The following AGPAT4 variants were observed in gnomAD, a reference collection of about 807,000 sequenced individuals.
AGPAT4 encodes 1-acyl-sn-glycerol-3-phosphate acyltransferase delta.
A neutral mutation model predicts 48.0 loss-of-function variants in AGPAT4; 15 were observed. That is an observed-to-expected ratio of 0.31 (90% CI 0.21 to 0.48). The LOEUF is 0.48. AGPAT4 is among the 20% of genes least tolerant of loss of function. The pLI, the probability that AGPAT4 is intolerant of heterozygous loss-of-function variation, is 0.99. For missense variants in AGPAT4, 314 were observed against 482.5 expected, an observed-to-expected ratio of 0.65 and a Z score of 3.27; for synonymous variants, 178 against 198.7, an observed-to-expected ratio of 0.90 and a Z score of 0.88.
In AGPAT4 at chr6:161,164,018, C is replaced by T. The variant is rs767179332; in HGVS notation, c.348+2230G>A. On this transcript the variant is annotated intron_variant, in intron 3 of 8. Transcript: ENST00000320285. The surrounding 1 kb of genome is among the most constrained non-coding windows in gnomAD (Gnocchi z 7.4). ...TGAAGTCCTATAAATAGAATATCAC[C>T]GATGAAATCAAGGGGAGGTGCGGTC... Among the ~76,000 whole-genome samples the T allele has an allele frequency of 1.3e-5, 2 of 152,142 alleles. No individual in the cohort carries two copies. The highest frequency in any genetic ancestry group is 2.4e-5 in the African/African-American group (1 of 41,412).
chr6:161,177,490 C>T lies in AGPAT4; in HGVS notation c.179-11073G>A, dbSNP rs1780459908. ...GTTCTCAAGCCATGGTTTTCAGCTCCATCAGGTCATTTAAGGTCTTCTCTA... is the reference window on the plus strand; with the variant it reads ...GTTCTCAAGCCATGGTTTTCAGCTCTATCAGGTCATTTAAGGTCTTCTCTA... On this transcript the variant is annotated intron_variant, in intron 2 of 8. Coordinates refer to ENST00000320285, the MANE Select transcript of AGPAT4 (RefSeq NM_020133.3). This position sits in a 1 kb window ranked among gnomAD's most constrained non-coding sequence, Gnocchi z 5.0. 6.6e-6 allele frequency among the ~76,000 whole-genome samples: 1 copy of T among 152,176 alleles called. No individual in the cohort carries two copies. Among genetic ancestry groups the T allele is most frequent in the South Asian group, 2.1e-4 (1 of 4,824 alleles).
rs1254083595 is a variant in AGPAT4 at position 161,130,926 on chromosome 6, G to C, written c.*5614C>G. 1.9e-6 allele frequency: 1 copy of C among 518,696 alleles called. No individual in the cohort carries two copies. Among genetic ancestry groups the C allele is most frequent in the Non-Finnish European group, 3.9e-6 (1 of 259,730 alleles). The allele number at this position is 518,696 out of a possible 1,614,324, so 32.1% of individuals were successfully genotyped here. On this transcript the variant is annotated 3_prime_UTR_variant, in exon 9 of 9. Coordinates refer to ENST00000320285, the MANE Select transcript of AGPAT4 (RefSeq NM_020133.3). ...AATTCCATGGATGACTTTTCTGAAT[G>C]TCCTAGAATGTTTGGCAAAGATCTG...
Position 161,215,741 on chromosome 6 carries a change from G to A in AGPAT4, c.178+16295C>T, listed in dbSNP as rs1364715384. On this transcript the variant is annotated intron_variant, in intron 2 of 8. Coordinates refer to ENST00000320285, the MANE Select transcript of AGPAT4 (RefSeq NM_020133.3). This position sits in a 1 kb window ranked among gnomAD's most constrained non-coding sequence, Gnocchi z 4.5. ...AAAAAAAGAAAACACAAAAACACAAGATCCAAGTTTCCTGTTGATAGCTCA... is the reference window on the plus strand; with the variant it reads ...AAAAAAAGAAAACACAAAAACACAAAATCCAAGTTTCCTGTTGATAGCTCA... Among the ~76,000 whole-genome samples the A allele has an allele frequency of 5.4e-5, 8 of 149,126 alleles. No individual in the cohort carries two copies. Among genetic ancestry groups the A allele is most frequent in the African/African-American group, 2.0e-4 (8 of 40,566 alleles).
intron 2 of AGPAT4, among the ~76,000 whole-genome samples, chr6:161,167,549 G>A (rs1171176840): frequency 4.6e-5 from 7 of 152,074 alleles, no homozygotes; most frequent in African/African-American, 9.7e-5. Context: ...TTAATCACTC[G>A]TTAGTGAAGC....
rs565676437 is a variant in AGPAT4, at chr6:161,222,816, T to C, written c.178+9220A>G. Reference sequence around the variant, plus strand: ...CTGTGGATGCTTCCTCTGGCCTCATTCATTTGCACGGTGGCCTCACGACAC... The same window carrying C: ...CTGTGGATGCTTCCTCTGGCCTCATCCATTTGCACGGTGGCCTCACGACAC... On this transcript the variant is annotated intron_variant, in intron 2 of 8. Coordinates refer to ENST00000320285, the MANE Select transcript of AGPAT4 (RefSeq NM_020133.3). This position sits in a 1 kb window ranked among gnomAD's most constrained non-coding sequence, Gnocchi z 5.9. 2.0e-5 allele frequency among the ~76,000 whole-genome samples: 3 copies of C among 152,250 alleles called. No individual in the cohort carries two copies. Among genetic ancestry groups the C allele is most frequent in the African/African-American group, 7.2e-5 (3 of 41,556 alleles).
At chr6:161,185,283 C>CTTT (rs35820706) in intron 2 of AGPAT4, among the ~76,000 whole-genome samples, 16 of 109,262 alleles carry the variant, frequency 1.5e-4, no homozygotes, top group East Asian at 2.6e-4. Context: ...TTTAAGATGT[C>CTTT]TTTTTTTTTT....
Position 161,232,130 on chromosome 6 carries a change from G to A in AGPAT4, c.84C>T (p.Ile28=). The A allele has an allele frequency of 6.2e-7, 1 of 1,614,166 alleles. No individual in the cohort carries two copies. The change falls in exon 2 of 9, where the codon ATC becomes ATT. Residue 28 remains isoleucine, a synonymous_variant. Transcript: ENST00000320285. The surrounding 1 kb of genome is among the most constrained non-coding windows in gnomAD (Gnocchi z 6.8). ...CYVFIASGLI[I]NTIQLFTLLL... is the part of the protein sequence containing the mutation. ...GGAGAGTGAAGAGCTGAATGGTGTT[G>A]ATGATTAGCCCTGAGGCAATAAAGA...
In AGPAT4 at chr6:161,180,192, G is replaced by C. The variant is rs148256363; in HGVS notation, c.179-13775C>G. 6.6e-6 allele frequency among the ~76,000 whole-genome samples: 1 copy of C among 152,150 alleles called. No homozygotes were observed. Among genetic ancestry groups the C allele is most frequent in the South Asian group, 2.1e-4 (1 of 4,824 alleles). ...GCCTCCAGGCAAGCTCTTCCCTGACGCAGGTAGAGAGGGGTCTTAGGCTCC... is the reference window on the plus strand; with the variant it reads ...GCCTCCAGGCAAGCTCTTCCCTGACCCAGGTAGAGAGGGGTCTTAGGCTCC... On this transcript the variant is annotated intron_variant, in intron 2 of 8. Coordinates refer to ENST00000320285, the MANE Select transcript of AGPAT4 (RefSeq NM_020133.3). The surrounding 1 kb of genome is among the most constrained non-coding windows in gnomAD (Gnocchi z 6.4).
rs1779042172 is a variant in AGPAT4, at chr6:161,135,730, A to G, written c.*810T>C. On this transcript the variant is annotated 3_prime_UTR_variant, in exon 9 of 9. Transcript: ENST00000320285. The stretch of plus-strand genomic sequence containing the variant: ...AGAATGCCCAGGCTGTACGTTCATG[A>G]TGTTTGTGTTCAATTTCAAGATCCA... 1.3e-5 allele frequency: 2 copies of G among 152,296 alleles called. No homozygotes were observed. Among genetic ancestry groups the G allele is most frequent in the African/African-American group, 4.8e-5 (2 of 41,466 alleles). 9.4% of individuals were successfully genotyped at this position (152,296 alleles called of 1,614,324 possible).
Position 161,223,005 on chromosome 6 carries a change from G to T in AGPAT4, c.178+9031C>A, listed in dbSNP as rs1157195030. ...CAATTCCCCTCATTCCTCAGCACCT[G>T]GCTTGTGATGCTGCTTCACGGGGAC... On this transcript the variant is annotated intron_variant, in intron 2 of 8. Coordinates refer to ENST00000320285, the MANE Select transcript of AGPAT4 (RefSeq NM_020133.3). This position sits in a 1 kb window ranked among gnomAD's most constrained non-coding sequence, Gnocchi z 6.3. Among the ~76,000 whole-genome samples, 1 of 152,174 alleles carries T rather than the reference G, an allele frequency of 6.6e-6. No homozygotes were observed. The highest frequency in any genetic ancestry group is 6.5e-5 in the Admixed American group (1 of 15,274).
Position 161,272,952 on chromosome 6 carries a change from T to C in AGPAT4, c.-90+986A>G, listed in dbSNP as rs539728691. Among the ~76,000 whole-genome samples, 117 of 152,326 alleles carry C rather than the reference T, an allele frequency of 7.7e-4. No individual in the cohort carries two copies. The highest frequency in any genetic ancestry group is 2.7e-3 in the African/African-American group (111 of 41,572). ...ATTTGTTACTCATACTTGTTGAACT[T>C]AAGATTTGGAGCTAAATAAGTGCAG... On this transcript the variant is annotated intron_variant, in intron 1 of 8. Coordinates refer to ENST00000320285, the MANE Select transcript of AGPAT4 (RefSeq NM_020133.3). This position sits in a 1 kb window ranked among gnomAD's most constrained non-coding sequence, Gnocchi z 4.2.
rs1219830042 is a variant in AGPAT4 at position 161,166,903 on chromosome 6, G to A, written c.179-486C>T. ...AGAATGGAGAACGGCAGATCCAGCC[G>A]CAGGAGCCCCAGCACCTGCAGGGCA... On this transcript the variant is annotated intron_variant, in intron 2 of 8. Coordinates refer to ENST00000320285, the MANE Select transcript of AGPAT4 (RefSeq NM_020133.3). This position sits in a 1 kb window ranked among gnomAD's most constrained non-coding sequence, Gnocchi z 6.7. 2.0e-5 allele frequency among the ~76,000 whole-genome samples: 3 copies of A among 152,184 alleles called. No homozygotes were observed. Among genetic ancestry groups the A allele is most frequent in the East Asian group, 1.9e-4 (1 of 5,174 alleles).
In AGPAT4 at chr6:161,254,608, G is replaced by A. The variant is rs1003825640; in HGVS notation, c.-90+19330C>T. On this transcript the variant is annotated intron_variant, in intron 1 of 8. Coordinates refer to ENST00000320285, the MANE Select transcript of AGPAT4 (RefSeq NM_020133.3). The surrounding 1 kb of genome is among the most constrained non-coding windows in gnomAD (Gnocchi z 5.9). ...AGAAATAACTAAGTATTGGGAAATC[G>A]AGGAGAAAATGCCTTCTTACAAACC... Among the ~76,000 whole-genome samples the A allele has an allele frequency of 5.3e-5, 8 of 152,136 alleles. No individual in the cohort carries two copies. The highest frequency in any genetic ancestry group is 1.2e-4 in the African/African-American group (5 of 41,424).
At chr6:161,211,509 T>C (rs1000459426) in intron 2 of AGPAT4, among the ~76,000 whole-genome samples, 4 of 152,102 alleles carry the variant, frequency 2.6e-5, no homozygotes, top group African/African-American at 9.7e-5. Context: ...AAAAATCTTG[T>C]ATGGTAAATT....
At chr6:161,213,705 T>C (rs1026879624) in intron 2 of AGPAT4, among the ~76,000 whole-genome samples, 6 of 152,212 alleles carry the variant, frequency 3.9e-5, no homozygotes, top group Admixed American at 3.3e-4. Context: ...GTGGCCTATA[T>C]TGATTTTTCC....
intron 2 of AGPAT4, among the ~76,000 whole-genome samples, chr6:161,227,340 T>G (rs1294807602): frequency 6.6e-6 from 1 of 152,156 alleles, no homozygotes; most frequent in Non-Finnish European, 1.5e-5. Flanking sequence ...GATTCAAAAT[T>G]GAGGCACCCT....
At chr6:161,205,979 A>C (rs919444883) in intron 2 of AGPAT4, among the ~76,000 whole-genome samples, 1 of 152,162 alleles carries the variant, frequency 6.6e-6, no homozygotes, top group African/African-American at 2.4e-5. Context: ...GGAGAGAAGA[A>C]GGCAGACCAG....
chr6:161,222,048 A>G lies in AGPAT4; in HGVS notation c.178+9988T>C, dbSNP rs905273307. 1.8e-4 allele frequency among the ~76,000 whole-genome samples: 27 copies of G among 152,180 alleles called. No individual in the cohort carries two copies. The highest frequency in any genetic ancestry group is 6.5e-4 in the African/African-American group (27 of 41,444). ...CAGTTCCTTTCCACGAATGACTGCA[A>G]TATTTGGGATGAGGGTTGACTATGC... is the stretch of plus-strand genomic sequence containing the variant. On this transcript the variant is annotated intron_variant, in intron 2 of 8. Transcript: ENST00000320285. The surrounding 1 kb of genome is among the most constrained non-coding windows in gnomAD (Gnocchi z 5.9).
rs1483185683 is a variant in AGPAT4 at position 161,249,750 on chromosome 6, GCAATTCCT to G, written c.-89-17456_-89-17449del. On this transcript the variant is annotated intron_variant, in intron 1 of 8. Transcript: ENST00000320285. This position sits in a 1 kb window ranked among gnomAD's most constrained non-coding sequence, Gnocchi z 6.2. Reference sequence around the variant, plus strand: ...TTCAACCATTGTGGAAAACAGTGTCGCAATTCCTCAAAGACCTAAAAACAGAAATATCA... The same window carrying G: ...TTCAACCATTGTGGAAAACAGTGTCGCAAAGACCTAAAAACAGAAATATCA... Among the ~76,000 whole-genome samples the G allele has an allele frequency of 3.9e-5, 6 of 152,132 alleles. No individual in the cohort carries two copies. Among genetic ancestry groups the G allele is most frequent in the Admixed American group, 3.9e-4 (6 of 15,272 alleles).
Sources: allele counts gnomAD v4.1 joint callset (sites outside exome capture counted in the v4.1 genomes callset), GRCh38; gene constraint gnomAD v4.1.1; non-coding constraint Gnocchi (gnomAD v3.1); transcripts MANE v1.5; gene names NCBI Gene and HGNC (gene_info 2026-07-23, HGNC 2026-07-21).